The following MOBP variants were observed in gnomAD, a reference collection of about 807,000 sequenced individuals.
The protein encoded by MOBP is myelin associated oligodendrocyte basic protein, also known as myelin-associated oligodendrocyte basic protein.
MOBP carries 5 observed loss-of-function variants against 15.0 expected under a neutral mutation model. The ratio of observed to expected loss-of-function variants is 0.33; its 90% CI spans 0.17 to 0.70. MOBP has a LOEUF of 0.70. MOBP is among the 30% of genes least tolerant of loss of function. MOBP has a pLI of 0.67. For missense variants in MOBP, 188 were observed against 257.8 expected, an observed-to-expected ratio of 0.73 and a Z score of 1.85; for synonymous variants, 88 against 99.0, an observed-to-expected ratio of 0.89 and a Z score of 0.66.
chr3:39,506,350 G>A (rs1221412658), downstream of MOBP, among the ~76,000 whole-genome samples: 1 of 152,048 alleles, frequency 6.6e-6, no homozygotes, highest in Non-Finnish European at 1.5e-5. Flanking sequence ...CCCCGCCCCT[G>A]GAATTCCTCT....
chr3:39,506,183 G>T (rs978176779), downstream of MOBP, among the ~76,000 whole-genome samples: 3 of 151,876 alleles, frequency 2.0e-5, no homozygotes, highest in Non-Finnish European at 2.9e-5. Context: ...GACGTGTTTT[G>T]CTCTCTCATA....
chr3:39,473,979 G>A (rs11714717), intron 1 of MOBP, among the ~76,000 whole-genome samples: 16,722 of 152,236 alleles, frequency 0.11, 1,188 homozygotes, highest in Middle Eastern at 0.18. Context: ...AGCTGGGGAG[G>A]TATTTCTGGA....
intron 2 of MOBP, among the ~76,000 whole-genome samples, chr3:39,495,491 AATT>A (rs1488760796): frequency 6.6e-6 from 1 of 152,014 alleles, no homozygotes; most frequent in Non-Finnish European, 1.5e-5. Flanking sequence ...GAAGAAAAGA[AATT>A]ATAGGCCAGG....
chr3:39,468,682 ATGTGTGTGTATATACATATATACATATG>A (rs2042379262), intron 1 of MOBP, among the ~76,000 whole-genome samples: 1 of 127,094 alleles, frequency 7.9e-6, no homozygotes, highest in Non-Finnish European at 1.7e-5. Context: ...ATATAAAAAT[ATGTGTGTGTATATACATATATACATATG>A]TGTGTGTATA....
rs953989251 is a variant in MOBP, at chr3:39,502,629, C to T, written c.301C>T (p.Pro101Ser). 6.5e-7 allele frequency: 1 copy of T among 1,549,228 alleles called. No individual in the cohort carries two copies. Among genetic ancestry groups the T allele is most frequent in the African/African-American group, 1.4e-5 (1 of 73,446 alleles). The change falls in exon 4 of 4, where the codon CCG (proline) becomes TCG (serine). Residue 101 changes from proline to serine, a missense_variant. Coordinates refer to ENST00000684792, the MANE Select transcript of MOBP (RefSeq NM_001393704.1). The surrounding 1 kb of genome is among the most constrained non-coding windows in gnomAD (Gnocchi z 6.3). ...AGCGCCAGCCAAGCCACGGTCCCCT[C>T]CGAGGTCTGAGCGTCAGCCACGGTC... ...VRAPAKPRSP[P>S]RSERQPRSPP... is the part of the protein sequence containing the mutation.
chr3:39,514,409 C>T (rs1286697889), exon 5 of MOBP: 1 of 152,274 alleles, frequency 6.6e-6, no homozygotes, highest in African/African-American at 2.4e-5. Flanking sequence ...GACACAGGCT[C>T]ATGGCCTCAT....
chr3:39,521,186 G>A (rs1240406403), intron 3 of MOBP, among the ~76,000 whole-genome samples: 4 of 152,106 alleles, frequency 2.6e-5, no homozygotes, highest in African/African-American at 9.7e-5. Context: ...CTGGCCTCAA[G>A]TTAATCCTCC....
intron 2 of MOBP, among the ~76,000 whole-genome samples, chr3:39,493,298 G>A (rs538758469): frequency 6.6e-6 from 1 of 152,294 alleles, no homozygotes; most frequent in South Asian, 2.1e-4. Flanking sequence ...GCCACCCCTA[G>A]GACGTGTAAT....
chr3:39,494,784 C>CAA (rs1207787594), intron 2 of MOBP, among the ~76,000 whole-genome samples: 1 of 77,324 alleles, frequency 1.3e-5, no homozygotes, highest in Non-Finnish European at 2.4e-5. Flanking sequence ...TTTTCAAAGC[C>CAA]CCCCCCCGCC....
chr3:39,526,008 T>G (rs1213642601), downstream of MOBP: 1 of 152,320 alleles, frequency 6.6e-6, no homozygotes, highest in Admixed American at 6.5e-5. Flanking sequence ...CTGAGGCCAT[T>G]ACATTCCTGG....
chr3:39,487,146 G>T (rs910389480), intron 2 of MOBP, among the ~76,000 whole-genome samples: 2 of 151,560 alleles, frequency 1.3e-5, no homozygotes, highest in Admixed American at 6.6e-5. Flanking sequence ...TTGCTGTGTT[G>T]CCCAGGCTGG....
intron 4 of MOBP, among the ~76,000 whole-genome samples, chr3:39,508,551 A>ATTTTTTTTTT (rs10681564): frequency 7.4e-6 from 1 of 135,258 alleles, no homozygotes; most frequent in Non-Finnish European, 1.6e-5. Flanking sequence ...ATATTGTTGC[A>ATTTTTTTTTT]TTTTTTTTTT....
intron 4 of MOBP, among the ~76,000 whole-genome samples, chr3:39,509,711 C>A (rs890220374): frequency 5.9e-5 from 9 of 151,972 alleles, no homozygotes; most frequent in African/African-American, 2.2e-4. Flanking sequence ...TTGACAAAGT[C>A]AAATTTATCA....
chr3:39,488,098 C>A (rs1358040441), intron 2 of MOBP, among the ~76,000 whole-genome samples: 4 of 152,012 alleles, frequency 2.6e-5, no homozygotes, highest in Admixed American at 2.0e-4. Context: ...TTTCTAGGTA[C>A]TTCAGGATTC....
chr3:39,507,534 A>T (rs192541929), downstream of MOBP, among the ~76,000 whole-genome samples: 76 of 152,340 alleles, frequency 5.0e-4, 1 homozygote, highest in South Asian at 8.1e-3. Context: ...GAGACCCATT[A>T]ATAGGCATTA....
intron 2 of MOBP, among the ~76,000 whole-genome samples, 180 bp downstream of exon 2, chr3:39,480,303 G>T (rs927750094): frequency 6.6e-6 from 1 of 151,994 alleles, no homozygotes; most frequent in Non-Finnish European, 1.5e-5. Flanking sequence ...CTAGGTTCTG[G>T]GAGCAGAAAT....
chr3:39,476,432 A>C (rs1048909103), intron 1 of MOBP, among the ~76,000 whole-genome samples: 1 of 152,174 alleles, frequency 6.6e-6, no homozygotes, highest in African/African-American at 2.4e-5. Context: ...GCACACACCT[A>C]TGTTTATTTC....
At chr3:39,517,921 T>C (rs149964203), downstream of MOBP, 1 of 152,334 alleles carries the variant, frequency 6.6e-6, no homozygotes, top group Non-Finnish European at 1.5e-5. Flanking sequence ...TACATTGACA[T>C]ATAAACGACA....
chr3:39,526,141 C>G (rs1421181947), downstream of MOBP: 1 of 152,194 alleles, frequency 6.6e-6, no homozygotes, highest in African/African-American at 2.4e-5. Flanking sequence ...ATCCCTTTGG[C>G]CTGTTTTAGA....
Sources: allele counts gnomAD v4.1 joint callset (sites outside exome capture counted in the v4.1 genomes callset), GRCh38; gene constraint gnomAD v4.1.1; non-coding constraint Gnocchi (gnomAD v3.1); transcripts MANE v1.5; gene names NCBI Gene and HGNC (gene_info 2026-07-23, HGNC 2026-07-21).